CACNA1E: variants seen among roughly 807,000 people sequenced by gnomAD.
The protein encoded by CACNA1E is voltage-dependent R-type calcium channel subunit alpha-1E.
Under a neutral mutation model 259.2 loss-of-function variants are expected in CACNA1E, and 40 were observed. The observed-to-expected ratio is 0.15, with a 90% CI of 0.12 to 0.20. The LOEUF (loss-of-function observed/expected upper bound fraction) is 0.20, where lower values mean the gene tolerates loss of function less well. Ranked by LOEUF, CACNA1E falls within the 10% of genes least tolerant of loss-of-function variation. The probability of loss-of-function intolerance (pLI) is 1.00; values close to 1 mark genes in which losing one functional copy is unlikely to be tolerated. For missense variants in CACNA1E, 1,874 were observed against 3,040.1 expected (o/e 0.62, Z 9.02); for synonymous variants, 1,104 against 1,138.5 (o/e 0.97, Z 0.61).
intron 1 of CACNA1E, among the ~76,000 whole-genome samples, chr1:181,328,656 A>G (rs1337563745): frequency 6.6e-6 from 1 of 152,160 alleles, no homozygotes; most frequent in African/African-American, 2.4e-5. Context: ...GATTTTTATT[A>G]GGAGAAAAGT....
Position 181,410,981 on chromosome 1 carries a change from G to A in CACNA1E, c.-14-2152G>A, listed in dbSNP as rs115126636. On this transcript the variant is annotated intron_variant, in intron 1 of 11. Coordinates refer to the CACNA1E transcript ENST00000524607. ...CAGTACAGCTCCCAACACATAGTGG[G>A]TGCTCAACCATCCAACACTGGTTGA... Among the ~76,000 whole-genome samples the A allele has an allele frequency of 2.7e-3, 413 of 152,328 alleles. 2 individuals are homozygous for A. The highest frequency in any genetic ancestry group is 9.6e-3 in the African/African-American group (399 of 41,560).
chr1:181,489,652 T>C (rs981072121), intron 1 of CACNA1E, among the ~76,000 whole-genome samples: 7 of 152,224 alleles, frequency 4.6e-5, no homozygotes, highest in Non-Finnish European at 2.9e-5. Context: ...AAGGTACGTG[T>C]CACTCTGAAT....
In CACNA1E at chr1:181,676,261, A is replaced by G. The variant is rs146770549; in HGVS notation, c.1055+24820A>G. Among the ~76,000 whole-genome samples, 407 of 152,232 alleles carry G rather than the reference A, an allele frequency of 2.7e-3. 5 individuals are homozygous for G. Among genetic ancestry groups the G allele is most frequent in the African/African-American group, 9.4e-3 (391 of 41,544 alleles). On this transcript the variant is annotated intron_variant, in intron 7 of 47. Transcript: ENST00000367573. ...TGGAAATGCACCCACAGCATCTTAG[A>G]ATTATTTATTATTAAAAGTGTATTT... is the stretch of plus-strand genomic sequence containing the variant.
intron 16 of CACNA1E, among the ~76,000 whole-genome samples, chr1:181,723,597 A>G (rs1255176572): frequency 6.6e-6 from 1 of 152,130 alleles, no homozygotes; most frequent in Non-Finnish European, 1.5e-5. Flanking sequence ...CGATGGCTCA[A>G]TCCCCAAGAC....
chr1:181,718,649 C>CACAG (rs1654142254), intron 12 of CACNA1E, among the ~76,000 whole-genome samples: 1 of 151,036 alleles, frequency 6.6e-6, no homozygotes, highest in Non-Finnish European at 1.5e-5. Context: ...CACACACACA[C>CACAG]ACACACACAC....
intron 12 of CACNA1E, among the ~76,000 whole-genome samples, chr1:181,719,129 C>T (rs1369316862): frequency 6.6e-6 from 1 of 152,208 alleles, no homozygotes; most frequent in Non-Finnish European, 1.5e-5. Context: ...TACCTTTCGG[C>T]ATTGCTGTCA....
intron 1 of CACNA1E, among the ~76,000 whole-genome samples, chr1:181,371,204 T>C (rs1202660668): frequency 6.6e-6 from 1 of 152,244 alleles, no homozygotes; most frequent in African/African-American, 2.4e-5. Flanking sequence ...GAATATTTTC[T>C]CATTTTGTAG....
In CACNA1E at chr1:181,802,105, G is replaced by A. The variant is rs919558403; in HGVS notation, c.*3271G>A. On this transcript the variant is annotated 3_prime_UTR_variant, in exon 48 of 48. Transcript: ENST00000367573. ...GGACAGGGGCAGGGCTCCAGCCAAG[G>A]TGCCCCTGAGCCAGGGTCAACATAG... is the stretch of plus-strand genomic sequence containing the variant. 3 of 152,252 alleles carry A rather than the reference G, an allele frequency of 2.0e-5. No homozygotes were observed. The highest frequency in any genetic ancestry group is 2.9e-5 in the Non-Finnish European group (2 of 68,062). The allele number at this position is 152,252 out of a possible 1,614,324, so 9.4% of individuals were successfully genotyped here. A position where few individuals can be genotyped will look rare whatever the true frequency, so the allele number is the denominator to read the frequency against.
At chr1:181,564,466 C>T (rs965777445) in intron 3 of CACNA1E, among the ~76,000 whole-genome samples, 2 of 152,184 alleles carry the variant, frequency 1.3e-5, no homozygotes, top group African/African-American at 4.8e-5. Flanking sequence ...GGATCCATTT[C>T]TGATTCTAGT....
At chr1:181,778,443 C>T (rs990729951) in intron 38 of CACNA1E, among the ~76,000 whole-genome samples, 1 of 152,136 alleles carries the variant, frequency 6.6e-6, no homozygotes, top group African/African-American at 2.4e-5. Flanking sequence ...TGGGCTGAAG[C>T]AATAGTCTCC....
At chr1:181,574,179 G>A (rs886741781) in intron 3 of CACNA1E, among the ~76,000 whole-genome samples, 1 of 152,102 alleles carries the variant, frequency 6.6e-6, no homozygotes. Context: ...TAACTAATAC[G>A]TGCCGGGCTT....
At chr1:181,605,036 T>C (rs1311038152) in intron 6 of CACNA1E, among the ~76,000 whole-genome samples, 3 of 151,930 alleles carry the variant, frequency 2.0e-5, no homozygotes, top group Non-Finnish European at 4.4e-5. Context: ...AGTTGATAGC[T>C]CTTCTCTGAG....
intron 6 of CACNA1E, among the ~76,000 whole-genome samples, chr1:181,618,125 G>A (rs567674920): frequency 9.2e-5 from 14 of 152,268 alleles, no homozygotes; most frequent in African/African-American, 3.4e-4. Flanking sequence ...CTATGAATTG[G>A]CTGTATGTCT....
chr1:181,373,602 A>G (rs1274382625), intron 1 of CACNA1E, among the ~76,000 whole-genome samples: 2 of 148,732 alleles, frequency 1.3e-5, no homozygotes, highest in Non-Finnish European at 3.0e-5. Flanking sequence ...CAGTGGCGCA[A>G]TCTCGGCTCA....
chr1:181,387,505 C>T (rs1039945739), intron 1 of CACNA1E, among the ~76,000 whole-genome samples: 4 of 152,334 alleles, frequency 2.6e-5, no homozygotes, highest in Non-Finnish European at 4.4e-5. Context: ...CAGCTCCCCT[C>T]AGCCACAGGA....
At chr1:181,430,077 G>A (rs912628075) in intron 2 of CACNA1E, among the ~76,000 whole-genome samples, 1 of 152,158 alleles carries the variant, frequency 6.6e-6, no homozygotes, top group African/African-American at 2.4e-5. Flanking sequence ...CTGGGACTAA[G>A]CTGCCTTTCT....
At chr1:181,595,424 C>T (rs1653060923) in intron 6 of CACNA1E, among the ~76,000 whole-genome samples, 2 of 152,218 alleles carry the variant, frequency 1.3e-5, no homozygotes, top group South Asian at 4.1e-4. Context: ...CTCTTGGCAG[C>T]ACATGTTCCC....
chr1:181,713,449 G>A (rs138156958), intron 8 of CACNA1E, among the ~76,000 whole-genome samples: 2 of 152,216 alleles, frequency 1.3e-5, no homozygotes, highest in African/African-American at 4.8e-5. Context: ...TTTGCCAGAG[G>A]CTATACTTAA....
At chr1:181,466,205 A>G (rs796136573) in intron 2 of CACNA1E, among the ~76,000 whole-genome samples, 17 of 152,332 alleles carry the variant, frequency 1.1e-4, no homozygotes, top group Non-Finnish European at 1.9e-4. Flanking sequence ...TTCTGTCCAC[A>G]TAAGGTCTAA....
Sources: allele counts gnomAD v4.1 joint callset (sites outside exome capture counted in the v4.1 genomes callset), GRCh38; gene constraint gnomAD v4.1.1; transcripts MANE v1.5; gene names NCBI Gene and HGNC (gene_info 2026-07-23, HGNC 2026-07-21).